GALE: variants seen among roughly 807,000 people sequenced by gnomAD.
GALE encodes UDP-glucose 4-epimerase.
A neutral mutation model predicts 44.1 loss-of-function variants in GALE; 32 were observed. The observed-to-expected ratio is 0.73, with a 90% CI of 0.55 to 0.97. The LOEUF (loss-of-function observed/expected upper bound fraction) is 0.97. Among genes scored for constraint, GALE ranks in the 50% least tolerant of loss-of-function variants. The probability of loss-of-function intolerance (pLI) is 0.00; values close to 1 mark genes in which losing one functional copy is unlikely to be tolerated. For missense variants in GALE, 423 were observed against 455.6 expected (o/e 0.93, Z 0.65); for synonymous variants, 182 against 183.5 (o/e 0.99, Z 0.06).
chr1:23,797,930 ACTC>A (rs1246394309), intron 5 of GALE, 59 bp from the exon 6 acceptor site: 8 of 1,556,976 alleles, frequency 5.1e-6, no homozygotes, highest in East Asian at 2.2e-5. Context: ...CCACCCTGTT[ACTC>A]CTCCACAGGA....
rs1557477372 is a variant in GALE, at chr1:23,795,981, G to A, written c.1015C>T (p.Gln339Ter). The A allele has an allele frequency of 6.2e-7, 1 of 1,613,926 alleles. No individual in the cohort carries two copies. Among genetic ancestry groups the A allele is most frequent in the African/African-American group, 1.3e-5 (1 of 74,918 alleles). ...TGCGTGCCAAAGCCTGAAGGATTCTGCTTCTGCCAGCGCCAGAGATCCTCA... is the reference window on the plus strand; with the variant it reads ...TGCGTGCCAAAGCCTGAAGGATTCTACTTCTGCCAGCGCCAGAGATCCTCA... Reference protein sequence around the residue: ...MCEDLWRWQKQNPSGFGTQA With the variant: ...MCEDLWRWQK The change falls in exon 12 of 12, where the codon CAG becomes TAG. Residue 339 changes from glutamine (Q) to a stop codon, truncating the protein, a stop_gained. Coordinates refer to ENST00000617979, the MANE Select transcript of GALE (RefSeq NM_001008216.2). LOFTEE classifies it high-confidence loss of function.
intron 2 of GALE, 45 bp from the exon 3 acceptor site, chr1:23,799,057 T>C (rs759767647): frequency 6.2e-7 from 1 of 1,613,562 alleles, no homozygotes; most frequent in South Asian, 1.1e-5. Flanking sequence ...GGCTGCCTGC[T>C]CAGAGCTTCC....
intron 2 of GALE, 148 bp downstream of exon 2, chr1:23,799,218 C>A: frequency 1.6e-6 from 1 of 630,264 alleles, no homozygotes; most frequent in Non-Finnish European, 2.8e-6. Flanking sequence ...GCCTCTTGGC[C>A]TCAGTTTCTA....
Position 23,796,326 on chromosome 1 carries a change from G to GTCT in GALE, c.874-64_874-62dup. On this transcript the variant is annotated intron_variant, in intron 10 of 11. Coordinates refer to ENST00000617979, the MANE Select transcript of GALE (RefSeq NM_001008216.2). This position sits in a 1 kb window ranked among gnomAD's most constrained non-coding sequence, Gnocchi z 5.2. ...CGGCCCTGGCCCAGCTGCTGGCCAG[G>GTCT]TCTTTAAGAAGCAGAAGTGCAGAGC... The GTCT allele has an allele frequency of 1.3e-6, 2 of 1,539,372 alleles. No individual in the cohort carries two copies. The highest frequency in any genetic ancestry group is 1.8e-6 in the Non-Finnish European group (2 of 1,111,888).
Position 23,798,100 on chromosome 1 carries a change from T to G in GALE, c.351+17A>C. ...GGACACCCTCCTAGTGTCTGTGCCC[T>G]GTCCCATGCCTCTCACCTCCAGAAG... is the stretch of plus-strand genomic sequence containing the variant. On this transcript the variant is annotated intron_variant, in intron 5 of 11. Transcript: ENST00000617979. The surrounding 1 kb of genome is among the most constrained non-coding windows in gnomAD (Gnocchi z 4.5). 1 of 1,588,682 alleles carries G rather than the reference T, an allele frequency of 6.3e-7. No individual in the cohort carries two copies. The highest frequency in any genetic ancestry group is 8.6e-7 in the Non-Finnish European group (1 of 1,156,678).
Position 23,798,027 on chromosome 1 carries a change from C to T in GALE, c.351+90G>A, listed in dbSNP as rs949250163. 4.5e-6 allele frequency: 6 copies of T among 1,332,958 alleles called. No homozygotes were observed. The African/African-American group carries it at 5.8e-5, about 13-fold the overall frequency. The allele number at this position is 1,332,958 out of a possible 1,614,324, so 82.6% of individuals were successfully genotyped here. A position where few individuals can be genotyped will look rare whatever the true frequency, so the allele number is the denominator to read the frequency against. ...GTAAAGACATGAGTCCAGGATGATA[C>T]AGCTTGGGCTCTGTGTTTGGCACTG... is the stretch of plus-strand genomic sequence containing the variant. On this transcript the variant is annotated intron_variant, in intron 5 of 11. Transcript: ENST00000617979. The surrounding 1 kb of genome is among the most constrained non-coding windows in gnomAD (Gnocchi z 4.5).
In GALE at chr1:23,797,095, G is replaced by A. The variant is rs1340909242; in HGVS notation, c.581C>T (p.Ser194Phe). The change falls in exon 7 of 12, where the codon TCT becomes TTT. Residue 194 changes from serine (S) to phenylalanine (F), a missense_variant. By Grantham distance (155) the Ser-to-Phe change is radical. Transcript: ENST00000617979. ...CTGGGGATCCTCACCAATGCAGCCA[G>A]AGGCATGGGCACCTGTGGGGTTGAA... is the stretch of plus-strand genomic sequence containing the variant. ...RYFNPTGAHA[S>F]GCIGEDPQGI... is the part of the protein sequence containing the mutation. The A allele has an allele frequency of 1.2e-6, 2 of 1,613,630 alleles. No homozygotes were observed. Among genetic ancestry groups the A allele is most frequent in the Non-Finnish European group, 1.7e-6 (2 of 1,179,834 alleles).
At position 23,795,724 on chromosome 1, in the gene GALE, G is replaced by A. The variant is rs918477951; in HGVS notation, c.*225C>T. 2.8e-5 allele frequency: 17 copies of A among 604,208 alleles called. No individual in the cohort carries two copies. Among genetic ancestry groups the A allele is most frequent in the African/African-American group, 2.8e-4 (15 of 53,816 alleles). 37.4% of individuals were successfully genotyped at this position (604,208 alleles called of 1,614,324 possible). ...CTTGCCCCCTCACTCACTCTTGGGG[G>A]TCCTGATGAACTCTTGGACCCTGTG... On this transcript the variant is annotated 3_prime_UTR_variant, in exon 12 of 12. Coordinates refer to ENST00000617979, the MANE Select transcript of GALE (RefSeq NM_001008216.2).
intron 6 of GALE, among the ~76,000 whole-genome samples, 189 bp downstream of exon 6, chr1:23,797,506 C>T (rs369863161): frequency 6.6e-5 from 10 of 152,112 alleles, no homozygotes; most frequent in African/African-American, 2.4e-4. Context: ...AGGTATGAGC[C>T]ACTGCGCCCG....
Position 23,796,018 on chromosome 1 carries a change from G to A in GALE, c.989-11C>T, listed in dbSNP as rs1041544254. ...GCCAGAGATCCTCACCTGCAACACGGCGAGGTGTGTGCTCAGGGCCCACGG... is the reference window on the plus strand; with the variant it reads ...GCCAGAGATCCTCACCTGCAACACGACGAGGTGTGTGCTCAGGGCCCACGG... On this transcript the variant is annotated splice_polypyrimidine_tract_variant and intron_variant, in intron 11 of 11. Transcript: ENST00000617979. This position sits in a 1 kb window ranked among gnomAD's most constrained non-coding sequence, Gnocchi z 5.2. The A allele has an allele frequency of 1.2e-6, 2 of 1,613,822 alleles. No homozygotes were observed. The highest frequency in any genetic ancestry group is 1.7e-6 in the Non-Finnish European group (2 of 1,179,868).
At position 23,795,654 on chromosome 1, in the gene GALE, G is replaced by A. The variant is rs1638923176; in HGVS notation, c.*295C>T. 1 of 554,010 alleles carries A rather than the reference G, an allele frequency of 1.8e-6. No individual in the cohort carries two copies. Among genetic ancestry groups the A allele is most frequent in the Admixed American group, 3.2e-5 (1 of 31,592 alleles). The allele number at this position is 554,010 out of a possible 1,614,324, so 34.3% of individuals were successfully genotyped here. On this transcript the variant is annotated 3_prime_UTR_variant, in exon 12 of 12. Transcript: ENST00000617979. ...AAATACTTTGGAAAGCTCTTTCAGA[G>A]CAATATAAATGAGTGCCTGGGAGGA...
In GALE at chr1:23,798,229, T is replaced by C; in HGVS notation, c.239A>G (p.Tyr80Cys). 6.2e-7 allele frequency: 1 copy of C among 1,611,914 alleles called. No individual in the cohort carries two copies. The highest frequency in any genetic ancestry group is 8.5e-7 in the Non-Finnish European group (1 of 1,178,206). The change falls in exon 5 of 12, where the codon TAC (tyrosine) becomes TGC (cysteine). Residue 80 changes from tyrosine to cysteine, a missense_variant and splice_region_variant. By Grantham distance (194) the Tyr-to-Cys change is radical. Coordinates refer to ENST00000617979, the MANE Select transcript of GALE (RefSeq NM_001008216.2). This position sits in a 1 kb window ranked among gnomAD's most constrained non-coding sequence, Gnocchi z 4.5. ...QGALQRLFKKYSFMAVIHFAG... is the reference protein window; with the variant it reads ...QGALQRLFKKCSFMAVIHFAG... ...AAAGTGGATGACCGCCATAAAGCTG[T>C]ACTGCAGGGGTGACATGGCCAGAGG...
intron 1 of GALE, chr1:23,799,639 T>C (rs1288836937): frequency 6.1e-6 from 1 of 163,846 alleles, no homozygotes. Flanking sequence ...AGGAAATAGA[T>C]CACATGGCCT....
intron 2 of GALE, 71 bp from the exon 3 acceptor site, chr1:23,799,083 T>G (rs1191707392): frequency 6.2e-7 from 1 of 1,606,056 alleles, no homozygotes. Flanking sequence ...ACTGGAATCC[T>G]GCCCCCTAAG....
chr1:23,797,612 C>G, intron 6 of GALE, 83 bp downstream of exon 6: 1 of 1,367,584 alleles, frequency 7.3e-7, no homozygotes, highest in Non-Finnish European at 1.0e-6. Flanking sequence ...TGGGGGTGTT[C>G]GGAATCCCAC....
Position 23,797,678 on chromosome 1 carries a change from G to A in GALE, c.528+17C>T, listed in dbSNP as rs757359523. 1.9e-6 allele frequency: 3 copies of A among 1,613,176 alleles called. No homozygotes were observed. The stretch of plus-strand genomic sequence containing the variant: ...CATCGATCAGTGGAGCCAGGGCACT[G>A]TCAAGGGGGCCCTCACCTTGTCTGC... On this transcript the variant is annotated intron_variant, in intron 6 of 11. Coordinates refer to ENST00000617979, the MANE Select transcript of GALE (RefSeq NM_001008216.2).
At chr1:23,799,109 G>T (rs1320248657) in intron 2 of GALE, 97 bp from the exon 3 acceptor site, 2 of 1,538,240 alleles carry the variant, frequency 1.3e-6, no homozygotes, top group East Asian at 2.3e-5. Flanking sequence ...TTTGGAAGGA[G>T]GCGGCAGTGT....
Position 23,798,277 on chromosome 1 carries a change from T to A in GALE, c.238-47A>T, listed in dbSNP as rs1389042209. The stretch of plus-strand genomic sequence containing the variant: ...AGGTTGCTCTACTGGTTTTAGTCCT[T>A]GGCAATGCCCTCAGCCTGCCTGCCT... On this transcript the variant is annotated intron_variant, in intron 4 of 11. Coordinates refer to ENST00000617979, the MANE Select transcript of GALE (RefSeq NM_001008216.2). This position sits in a 1 kb window ranked among gnomAD's most constrained non-coding sequence, Gnocchi z 4.5. The A allele has an allele frequency of 2.2e-6, 3 of 1,378,524 alleles. No homozygotes were observed. The highest frequency in any genetic ancestry group is 1.4e-5 in the African/African-American group (1 of 70,078). 85.4% of individuals were successfully genotyped at this position (1,378,524 alleles called of 1,614,324 possible).
At chr1:23,797,264 G>T in intron 6 of GALE, 117 bp from the exon 7 acceptor site, 1 of 759,810 alleles carries the variant, frequency 1.3e-6, no homozygotes, top group South Asian at 1.6e-5. Flanking sequence ...CTATGGCCCA[G>T]GCTGGAGTGT....
Sources: allele counts gnomAD v4.1 joint callset (sites outside exome capture counted in the v4.1 genomes callset), GRCh38; gene constraint gnomAD v4.1.1; non-coding constraint Gnocchi (gnomAD v3.1); transcripts MANE v1.5; gene names NCBI Gene and HGNC (gene_info 2026-07-23, HGNC 2026-07-21).